The following RCAN1 variants were observed in gnomAD, a reference collection of about 807,000 sequenced individuals.
The protein encoded by RCAN1 is calcipressin-1.
Under a neutral mutation model 22.9 loss-of-function variants are expected in RCAN1, and 11 were observed. The observed-to-expected ratio is 0.48, with a 90% confidence interval of 0.30 to 0.79. The LOEUF is 0.79. RCAN1 is among the 30% of genes least tolerant of loss of function. The probability of loss-of-function intolerance (pLI) is 0.06; values close to 1 mark genes in which losing one functional copy is unlikely to be tolerated. For synonymous variants in RCAN1, 136 were observed against 142.3 expected (o/e 0.96, Z 0.32); for missense variants, 291 against 337.8 (o/e 0.86, Z 1.09).
intron 1 of RCAN1, among the ~76,000 whole-genome samples, chr21:34,600,349 C>A (rs1303005782): frequency 2.0e-5 from 3 of 152,134 alleles, no homozygotes; most frequent in Non-Finnish European, 4.4e-5. Flanking sequence ...TAAGATACGG[C>A]AAAGAATGAC....
rs1988785766 is a variant in RCAN1, at chr21:34,615,058, T to C, written c.-47A>G. ...TGCGCCCCAGCGGGCTGCTCCGGGC[T>C]TGCGCGCCGGAGCCTCACGCGCTCC... On this transcript the variant is annotated 5_prime_UTR_variant, in exon 1 of 4. Coordinates refer to ENST00000313806, the MANE Select transcript of RCAN1 (RefSeq NM_004414.7). 3 of 1,017,206 alleles carry C rather than the reference T, an allele frequency of 2.9e-6. No individual in the cohort carries two copies. Among genetic ancestry groups the C allele is most frequent in the East Asian group, 9.9e-5 (1 of 10,096 alleles). 63.0% of individuals were successfully genotyped at this position (1,017,206 alleles called of 1,614,324 possible). A position where few individuals can be genotyped will look rare whatever the true frequency, so the allele number is the denominator to read the frequency against.
intron 1 of RCAN1, among the ~76,000 whole-genome samples, chr21:34,568,949 C>T (rs569399530): frequency 6.8e-4 from 104 of 152,228 alleles, no homozygotes; most frequent in African/African-American, 2.3e-3. Flanking sequence ...TCTTACATGG[C>T]GGCGGCAAAG....
At chr21:34,537,748 G>A (rs1844047122) in intron 1 of RCAN1, among the ~76,000 whole-genome samples, 1 of 152,254 alleles carries the variant, frequency 6.6e-6, no homozygotes, top group Non-Finnish European at 1.5e-5. Flanking sequence ...CCAGCTCTGG[G>A]GCTCAAGCTG....
chr21:34,584,413 T>A (rs1040526485), intron 1 of RCAN1, among the ~76,000 whole-genome samples: 2 of 150,728 alleles, frequency 1.3e-5, no homozygotes, highest in African/African-American at 4.9e-5. Flanking sequence ...GATGTCACCA[T>A]GGTTAAAAAA....
chr21:34,521,786 G>T, intron 2 of RCAN1, 128 bp from the exon 3 acceptor site: 1 of 738,992 alleles, frequency 1.4e-6, no homozygotes, highest in Non-Finnish European at 2.2e-6. Context: ...TGTGATTCCA[G>T]GACCAATTGT....
In RCAN1 at chr21:34,541,061, G is replaced by A. The variant is rs1034333600; in HGVS notation, c.253-17351C>T. Among the ~76,000 whole-genome samples, 8 of 152,200 alleles carry A rather than the reference G, an allele frequency of 5.3e-5. No homozygotes were observed. In the East Asian group the frequency reaches 5.8e-4, roughly 11 times the overall value. ...ACCAGGTGCTCAGTAGTCTACTAGGGCCTCCAAAAGCCTCAGTTTCTGTCC... is the reference window on the plus strand; with the variant it reads ...ACCAGGTGCTCAGTAGTCTACTAGGACCTCCAAAAGCCTCAGTTTCTGTCC... On this transcript the variant is annotated intron_variant, in intron 1 of 3. Coordinates refer to ENST00000313806, the MANE Select transcript of RCAN1 (RefSeq NM_004414.7).
intron 1 of RCAN1, among the ~76,000 whole-genome samples, chr21:34,612,745 C>G (rs1291198114): frequency 6.6e-6 from 1 of 152,236 alleles, no homozygotes; most frequent in East Asian, 1.9e-4. Flanking sequence ...AGCTCCTCCC[C>G]TAGGTTTCCA....
At chr21:34,608,494 C>G (rs1988598536) in intron 1 of RCAN1, among the ~76,000 whole-genome samples, 1 of 152,180 alleles carries the variant, frequency 6.6e-6, no homozygotes, top group Non-Finnish European at 1.5e-5. Context: ...TGCTGCAAGC[C>G]ACCCTATGGA....
chr21:34,518,400 GGTTT>G lies in RCAN1; in HGVS notation c.587-148_587-145del. On this transcript the variant is annotated intron_variant, in intron 3 of 3. Transcript: ENST00000313806. This position sits in a 1 kb window ranked among gnomAD's most constrained non-coding sequence, Gnocchi z 4.2. ...GAGAGACACAGCCAGACATATTTTGGGTTTGTATTTCTTTGCTAGCTCATTCAGA... is the reference window on the plus strand; with the variant it reads ...GAGAGACACAGCCAGACATATTTTGGGTATTTCTTTGCTAGCTCATTCAGA... The G allele has an allele frequency of 1.2e-6, 1 of 847,124 alleles. No individual in the cohort carries two copies. The highest frequency in any genetic ancestry group is 2.9e-5 in the Admixed American group (1 of 33,994). The allele number at this position is 847,124 out of a possible 1,614,324, so 52.5% of individuals were successfully genotyped here. A position where few individuals can be genotyped will look rare whatever the true frequency, so the allele number is the denominator to read the frequency against.
At chr21:34,556,050 G>A (rs568751442) in intron 1 of RCAN1, among the ~76,000 whole-genome samples, 9 of 103,508 alleles carry the variant, frequency 8.7e-5, no homozygotes, top group Admixed American at 4.0e-4. Flanking sequence ...GCAACAGAGC[G>A]AGACTCCATT....
intron 1 of RCAN1, among the ~76,000 whole-genome samples, chr21:34,555,334 C>T (rs965258660): frequency 2.0e-5 from 3 of 152,168 alleles, no homozygotes; most frequent in African/African-American, 4.8e-5. Context: ...TAAGAAAGTA[C>T]ATTTACTTTA....
intron 1 of RCAN1, chr21:34,613,788 T>C (rs1238668616): frequency 2.0e-6 from 3 of 1,503,474 alleles, no homozygotes; most frequent in Admixed American, 4.0e-5. Flanking sequence ...GACACTTACA[T>C]ACACCATTCT....
chr21:34,522,188 G>GAAAAAAAAAAAAA (rs60440958), intron 2 of RCAN1: 1 of 135,968 alleles, frequency 7.4e-6, no homozygotes, highest in African/African-American at 2.7e-5. Context: ...TCAGATGCCA[G>GAAAAAAAAAAAAA]AAAAAAAAAA....
chr21:34,580,001 G>A (rs1047812943), intron 1 of RCAN1, among the ~76,000 whole-genome samples: 10 of 152,182 alleles, frequency 6.6e-5, no homozygotes, highest in Non-Finnish European at 1.2e-4. Flanking sequence ...ATTACTATCC[G>A]TCTGATTCTC....
intron 1 of RCAN1, among the ~76,000 whole-genome samples, chr21:34,586,067 G>A (rs182512255): frequency 3.3e-5 from 5 of 152,272 alleles, no homozygotes; most frequent in African/African-American, 7.2e-5. Context: ...GGACAAAAAG[G>A]AGAAATCAGC....
Position 34,537,467 on chromosome 21 carries a change from C to A in RCAN1, c.253-13757G>T, listed in dbSNP as rs139123657. Reference sequence around the variant, plus strand: ...TCTGACTTCTTTTTGGTGGTGGTGGCCCGGGGAGATGTGGCCACCCTGGGC... The same window carrying A: ...TCTGACTTCTTTTTGGTGGTGGTGGACCGGGGAGATGTGGCCACCCTGGGC... On this transcript the variant is annotated intron_variant, in intron 1 of 3. Coordinates refer to ENST00000313806, the MANE Select transcript of RCAN1 (RefSeq NM_004414.7). 2.3e-3 allele frequency among the ~76,000 whole-genome samples: 350 copies of A among 152,264 alleles called. 1 individual carries two copies. The highest frequency in any genetic ancestry group is 5.4e-3 in the African/African-American group (225 of 41,548).
chr21:34,592,289 C>T (rs1361856323), intron 1 of RCAN1, among the ~76,000 whole-genome samples: 2 of 152,210 alleles, frequency 1.3e-5, no homozygotes, highest in African/African-American at 4.8e-5. Flanking sequence ...ATGCTGGGCT[C>T]AGACACACTC....
At chr21:34,521,273 C>A in intron 3 of RCAN1, 1 of 1,442,578 alleles carries the variant, frequency 6.9e-7, no homozygotes, top group Middle Eastern at 2.0e-4. Context: ...GGGCGTGATG[C>A]AGGGTCCCCA....
At chr21:34,582,895 C>T (rs918619237) in intron 1 of RCAN1, among the ~76,000 whole-genome samples, 4 of 152,072 alleles carry the variant, frequency 2.6e-5, no homozygotes, top group Non-Finnish European at 4.4e-5. Context: ...GAAGAGGCAC[C>T]CAGGACTGGC....
Sources: allele counts gnomAD v4.1 joint callset (sites outside exome capture counted in the v4.1 genomes callset), GRCh38; gene constraint gnomAD v4.1.1; non-coding constraint Gnocchi (gnomAD v3.1); transcripts MANE v1.5; gene names NCBI Gene and HGNC (gene_info 2026-07-23, HGNC 2026-07-21).